IL31RA: variants seen among roughly 807,000 people sequenced by gnomAD.
IL31RA encodes interleukin 31 receptor A, also known as interleukin-31 receptor subunit alpha.
IL31RA carries 66 observed loss-of-function variants against 83.7 expected under a neutral mutation model. That is an observed-to-expected ratio of 0.79 (90% CI 0.65 to 0.97). The LOEUF is 0.97. IL31RA is among the 50% of genes least tolerant of loss of function. The probability of loss-of-function intolerance (pLI) is 0.00; values close to 1 mark genes in which losing one functional copy is unlikely to be tolerated. For missense variants in IL31RA, 798 were observed against 919.4 expected (o/e 0.87, Z 1.71); for synonymous variants, 325 against 329.0 (o/e 0.99, Z 0.13).
At chr5:55,882,707 C>T (rs1747316942) in intron 4 of IL31RA, among the ~76,000 whole-genome samples, 1 of 151,904 alleles carries the variant, frequency 6.6e-6, no homozygotes, top group African/African-American at 2.4e-5. Context: ...GAAGGAGAGG[C>T]CTAGGGGAGG....
the IL31RA span, among the ~76,000 whole-genome samples, chr5:55,845,503 C>A: frequency 2.5e-5 from 2 of 79,300 alleles, no homozygotes; most frequent in Admixed American, 9.8e-5. Flanking sequence ...TCCTTGTAAT[C>A]CCCACGTCAA....
At chr5:55,894,662 G>C (rs185299286) in intron 6 of IL31RA, among the ~76,000 whole-genome samples, 5 of 152,068 alleles carry the variant, frequency 3.3e-5, no homozygotes, top group Non-Finnish European at 7.4e-5. Flanking sequence ...AATTGTACTT[G>C]GTACATTTTC....
chr5:55,888,054 A>AAT (rs1298637500), intron 5 of IL31RA, among the ~76,000 whole-genome samples: 7 of 151,842 alleles, frequency 4.6e-5, no homozygotes. Context: ...AAAAAAAAAA[A>AAT]CAAAAAACCA....
chr5:55,899,550 A>C (rs1443580844), intron 7 of IL31RA, among the ~76,000 whole-genome samples: 1 of 152,218 alleles, frequency 6.6e-6, no homozygotes, highest in Non-Finnish European at 1.5e-5. Context: ...TCAGAGCCAG[A>C]CCAGACTTTG....
chr5:55,856,257 G>A (rs1387440229), intron 1 of IL31RA, among the ~76,000 whole-genome samples: 1 of 152,158 alleles, frequency 6.6e-6, no homozygotes, highest in Non-Finnish European at 1.5e-5. Context: ...TATTCTAAGA[G>A]TCTTTTAGTT....
chr5:55,853,670 C>G (rs1745193921), intron 1 of IL31RA: 5 of 1,193,716 alleles, frequency 4.2e-6, no homozygotes, highest in Non-Finnish European at 6.0e-6. Context: ...TCAGACCCAC[C>G]ACGTGAATTT....
Position 55,918,929 on chromosome 5 carries a change from G to T in IL31RA, c.*1809G>T, listed in dbSNP as rs116561387. Reference sequence around the variant, plus strand: ...TCTAGGGCAATGCCCCTGTCCCGTTGTCCTGCACTCAAGTCCAGGTGTAGG... The same window carrying T: ...TCTAGGGCAATGCCCCTGTCCCGTTTTCCTGCACTCAAGTCCAGGTGTAGG... On this transcript the variant is annotated 3_prime_UTR_variant, in exon 15 of 15. Coordinates refer to ENST00000652347, the MANE Select transcript of IL31RA (RefSeq NM_139017.7). Among the ~76,000 whole-genome samples, 707 of 152,242 alleles carry T rather than the reference G, an allele frequency of 4.6e-3. 3 individuals carry two copies. Among genetic ancestry groups the T allele is most frequent in the African/African-American group, 0.016 (679 of 41,546 alleles).
intron 6 of IL31RA, among the ~76,000 whole-genome samples, chr5:55,894,910 G>A (rs568421441): frequency 6.6e-6 from 1 of 152,194 alleles, no homozygotes; most frequent in South Asian, 2.1e-4. Flanking sequence ...GTAGAGACAG[G>A]GTTTCACCAT....
intron 12 of IL31RA, 51 bp from the exon 13 acceptor site, chr5:55,913,426 G>C (rs748242304): frequency 8.9e-7 from 1 of 1,125,644 alleles, no homozygotes; most frequent in Non-Finnish European, 1.4e-6. Flanking sequence ...ATTGATTTTT[G>C]TCAAGAAGGT....
chr5:55,872,504 C>CTTT (rs72534358), intron 4 of IL31RA, 53 bp downstream of exon 4: 21 of 1,299,922 alleles, frequency 1.6e-5, no homozygotes, highest in Middle Eastern at 4.9e-4. Flanking sequence ...TTACCTCCTT[C>CTTT]TCTGTTCAAG....
intron 2 of IL31RA, among the ~76,000 whole-genome samples, chr5:55,859,809 G>T (rs967479071): frequency 1.3e-5 from 2 of 152,182 alleles, no homozygotes; most frequent in African/African-American, 4.8e-5. Flanking sequence ...TGGCAAGATG[G>T]CTTACCATAT....
Position 55,897,620 on chromosome 5 carries a change from G to T in IL31RA, c.852+1191G>T, listed in dbSNP as rs111475708. 9.7e-3 allele frequency among the ~76,000 whole-genome samples: 1,478 copies of T among 152,266 alleles called. 23 individuals are homozygous for T. Among genetic ancestry groups the T allele is most frequent in the African/African-American group, 0.034 (1,402 of 41,532 alleles). On this transcript the variant is annotated intron_variant, in intron 7 of 14. Transcript: ENST00000652347. Reference sequence around the variant, plus strand: ...GAGGGACCACATGGTCCTTCCTAGGGCGGAGGCCTGGGAGTGAGGAACAGG... The same window carrying T: ...GAGGGACCACATGGTCCTTCCTAGGTCGGAGGCCTGGGAGTGAGGAACAGG...
intron 4 of IL31RA, among the ~76,000 whole-genome samples, chr5:55,879,326 C>T (rs1368612835): frequency 2.0e-5 from 3 of 150,114 alleles, no homozygotes; most frequent in Admixed American, 6.7e-5. Flanking sequence ...TTTCCTGCCA[C>T]TTTGAAGGTG....
intron 4 of IL31RA, among the ~76,000 whole-genome samples, chr5:55,882,448 A>G (rs1747298532): frequency 6.6e-6 from 1 of 151,944 alleles, no homozygotes; most frequent in African/African-American, 2.4e-5. Flanking sequence ...AAAACGGCTG[A>G]AAGGAAATAT....
At chr5:55,846,721 C>T (rs542431204), upstream of IL31RA, among the ~76,000 whole-genome samples, 7 of 152,094 alleles carry the variant, frequency 4.6e-5, no homozygotes, top group East Asian at 9.7e-4. Flanking sequence ...CGCTTGAACC[C>T]GGGCAAAGTT....
intron 2 of IL31RA, among the ~76,000 whole-genome samples, chr5:55,867,651 C>T (rs1030143213): frequency 6.6e-6 from 1 of 151,882 alleles, no homozygotes; most frequent in Non-Finnish European, 1.5e-5. Context: ...TCCATTTTCA[C>T]GCTGCTGATA....
intron 1 of IL31RA, among the ~76,000 whole-genome samples, chr5:55,853,723 T>C (rs969621666): frequency 1.3e-5 from 2 of 152,360 alleles, no homozygotes; most frequent in South Asian, 4.1e-4. Flanking sequence ...TCTAATCTTT[T>C]GGCAGGCAAT....
At chr5:55,872,165 G>C (rs1746549041) in intron 3 of IL31RA, 105 bp from the exon 4 acceptor site, 1 of 858,014 alleles carries the variant, frequency 1.2e-6, no homozygotes, top group Non-Finnish European at 1.9e-6. Context: ...CAGTTCTCAA[G>C]AAAACCCAGA....
the IL31RA span, among the ~76,000 whole-genome samples, chr5:55,844,257 A>G: frequency 6.6e-6 from 1 of 152,156 alleles, no homozygotes; most frequent in African/African-American, 2.4e-5. Context: ...TTATCCTTCA[A>G]AGTGAGGGAG....
Sources: allele counts gnomAD v4.1 joint callset (sites outside exome capture counted in the v4.1 genomes callset), GRCh38; gene constraint gnomAD v4.1.1; transcripts MANE v1.5; gene names NCBI Gene and HGNC (gene_info 2026-07-23, HGNC 2026-07-21).